The following CDH7 variants were observed in gnomAD, a reference collection of about 807,000 sequenced individuals.
CDH7 encodes cadherin-7.
Under a neutral mutation model 71.8 loss-of-function variants are expected in CDH7, and 25 were observed. The observed-to-expected ratio is 0.35, with a 90% CI of 0.25 to 0.49. The LOEUF is 0.49. Among genes scored for constraint, CDH7 ranks in the 20% least tolerant of loss-of-function variants. CDH7 has a pLI of 0.99. For missense variants in CDH7, 862 were observed against 974.6 expected (o/e 0.88, Z 1.54); for synonymous variants, 381 against 363.8 (o/e 1.05, Z -0.54).
intron 1 of CDH7, among the ~76,000 whole-genome samples, chr18:65,752,118 C>T (rs370930405): frequency 1.3e-5 from 2 of 152,184 alleles, no homozygotes; most frequent in South Asian, 2.1e-4. Flanking sequence ...TCTATTAGAT[C>T]GTTTATTAAG....
At chr18:65,793,201 AGGCTGAGGT>A (rs1170777349) in intron 2 of CDH7, among the ~76,000 whole-genome samples, 2 of 152,068 alleles carry the variant, frequency 1.3e-5, no homozygotes, top group Non-Finnish European at 2.9e-5. Context: ...GCACTTTGGG[AGGCTGAGGT>A]GGCCAGACCA....
chr18:65,872,673 A>G (rs190133570), intron 11 of CDH7, among the ~76,000 whole-genome samples: 1 of 152,224 alleles, frequency 6.6e-6, no homozygotes, highest in African/African-American at 2.4e-5. Context: ...AGGCCAGAGG[A>G]TCACTTGAAG....
chr18:65,763,663 A>AAAAATGAT lies in CDH7; in HGVS notation c.210+612_210+619dup, dbSNP rs1479884857. Among the ~76,000 whole-genome samples the AAAAATGAT allele has an allele frequency of 1.6e-4, 24 of 151,588 alleles. No individual in the cohort carries two copies. In the Admixed American group the frequency reaches 1.6e-3, roughly 10 times the overall value. On this transcript the variant is annotated intron_variant, in intron 2 of 11. Coordinates refer to ENST00000397968, the MANE Select transcript of CDH7 (RefSeq NM_004361.5). Reference sequence around the variant, plus strand: ...TGCTTTAAACATTTTCCTTTGGATTAAAAATGATCATGGACAGAAGTCAGT... The same window carrying AAAAATGAT: ...TGCTTTAAACATTTTCCTTTGGATTAAAAATGATAAAATGATCATGGACAGAAGTCAGT...
At chr18:65,834,609 A>G (rs1230278273) in intron 6 of CDH7, among the ~76,000 whole-genome samples, 2 of 152,242 alleles carry the variant, frequency 1.3e-5, no homozygotes, top group Non-Finnish European at 2.9e-5. Context: ...ATTTAGATGA[A>G]TAGAAGAAAT....
rs1044787688 is a variant in CDH7, at chr18:65,888,104, T to C, written c.*7210T>C. On this transcript the variant is annotated 3_prime_UTR_variant, in exon 12 of 12. Transcript: ENST00000397968. ...GGTCAGGATGTATGTCCAAACTGAA[T>C]AGATTATTTTCGTTCAGCTCAAGTG... 1 of 152,160 alleles carries C rather than the reference T, an allele frequency of 6.6e-6. No individual in the cohort carries two copies. Among genetic ancestry groups the C allele is most frequent in the Non-Finnish European group, 1.5e-5 (1 of 68,006 alleles). 9.4% of individuals were successfully genotyped at this position (152,160 alleles called of 1,614,324 possible).
At chr18:65,847,972 C>A (rs201450976) in intron 7 of CDH7, among the ~76,000 whole-genome samples, 1 of 30,488 alleles carries the variant, frequency 3.3e-5, no homozygotes, top group Non-Finnish European at 3.7e-4. Context: ...GGAAAAAAAA[C>A]GATTTTTTTT....
At chr18:65,788,259 T>TTTTAGAC (rs1229717109) in intron 2 of CDH7, among the ~76,000 whole-genome samples, 1 of 152,148 alleles carries the variant, frequency 6.6e-6, no homozygotes, top group Non-Finnish European at 1.5e-5. Context: ...CTAAAATTCA[T>TTTTAGAC]AGCAAATTTT....
In CDH7 at chr18:65,843,978, C is replaced by T. The variant is rs1233919491; in HGVS notation, c.1148C>T (p.Pro383Leu). Residue 383 changes from proline to leucine, a missense_variant, in exon 7 of 12, where the codon CCT becomes CTT. By Grantham distance (98) the Pro-to-Leu change is moderately conservative (BLOSUM62 -3). Coordinates refer to ENST00000397968, the MANE Select transcript of CDH7 (RefSeq NM_004361.5). ...EPPVFSSPLYPMEVSEATQVG... is the reference protein window; with the variant it reads ...EPPVFSSPLYLMEVSEATQVG... ...CCTGTGTTCTCTTCACCCTTGTACC[C>T]TATGGAGGTGTCGGAAGCTACCCAG... 1.9e-6 allele frequency: 3 copies of T among 1,612,734 alleles called. No homozygotes were observed. The highest frequency in any genetic ancestry group is 1.1e-5 in the South Asian group (1 of 91,032).
intron 2 of CDH7, among the ~76,000 whole-genome samples, chr18:65,766,136 A>G (rs1451390594): frequency 1.3e-5 from 2 of 151,986 alleles, no homozygotes; most frequent in East Asian, 3.9e-4. Flanking sequence ...ATTTTGGGGG[A>G]GCTTAATAAT....
At chr18:65,841,628 T>C (rs1912736873) in intron 6 of CDH7, among the ~76,000 whole-genome samples, 1 of 152,182 alleles carries the variant, frequency 6.6e-6, no homozygotes, top group Admixed American at 6.5e-5. Flanking sequence ...ATGAGAATGC[T>C]TCAAGTGTCC....
chr18:65,756,555 A>G (rs1916035017), intron 1 of CDH7, among the ~76,000 whole-genome samples: 1 of 152,222 alleles, frequency 6.6e-6, no homozygotes. Flanking sequence ...TGTGTTATAT[A>G]TTAAGTCTAT....
chr18:65,806,274 C>A (rs1911317102), intron 2 of CDH7, among the ~76,000 whole-genome samples: 1 of 147,704 alleles, frequency 6.8e-6, no homozygotes, highest in Non-Finnish European at 1.5e-5. Flanking sequence ...ATGCCTCTCA[C>A]TTTTTGTGCT....
chr18:65,773,368 T>C (rs1916602388), intron 2 of CDH7, among the ~76,000 whole-genome samples: 1 of 152,186 alleles, frequency 6.6e-6, no homozygotes, highest in African/African-American at 2.4e-5. Context: ...TTCTTATTAT[T>C]GTATTTTAAT....
chr18:65,864,751 A>T (rs985587534), intron 11 of CDH7, among the ~76,000 whole-genome samples: 3 of 151,322 alleles, frequency 2.0e-5, no homozygotes, highest in Admixed American at 2.0e-4. Flanking sequence ...ATTAGCCAGG[A>T]GTGGTGGCGG....
chr18:65,832,192 T>A (rs1469567904), intron 6 of CDH7, among the ~76,000 whole-genome samples: 1 of 125,508 alleles, frequency 8.0e-6, no homozygotes, highest in Non-Finnish European at 1.7e-5. Context: ...CTTTGGTCCA[T>A]ATCCTTTTCA....
At chr18:65,782,732 A>G (rs1910359619) in intron 2 of CDH7, among the ~76,000 whole-genome samples, 2 of 152,138 alleles carry the variant, frequency 1.3e-5, no homozygotes, top group Admixed American at 6.6e-5. Flanking sequence ...GTGTAATTTA[A>G]TACATTATTT....
intron 2 of CDH7, among the ~76,000 whole-genome samples, chr18:65,768,491 C>T (rs568239254): frequency 3.3e-5 from 5 of 152,278 alleles, no homozygotes; most frequent in African/African-American, 1.2e-4. Context: ...CCGCCTCGGC[C>T]TCCCAAAGTG....
intron 2 of CDH7, among the ~76,000 whole-genome samples, chr18:65,795,789 A>G (rs189857616): frequency 2.0e-5 from 3 of 152,262 alleles, no homozygotes; most frequent in East Asian, 1.9e-4. Context: ...CTTGAATTGT[A>G]ATCTCATGAT....
intron 7 of CDH7, among the ~76,000 whole-genome samples, chr18:65,852,166 C>A (rs771125208): frequency 1.3e-4 from 19 of 150,320 alleles, no homozygotes; most frequent in Non-Finnish European, 2.1e-4. Context: ...TGAAAAAAAA[C>A]AAATAGAAGC....
Sources: gnomAD v4.1 joint callset for allele counts (sites outside exome capture counted in the v4.1 genomes callset) on GRCh38, gnomAD v4.1.1 for gene constraint, MANE v1.5 for transcripts, NCBI Gene and HGNC (gene_info 2026-07-23, HGNC 2026-07-21) for gene names.